ARMH1: variants seen among roughly 807,000 people sequenced by gnomAD.
ARMH1 encodes the protein armadillo like helical domain containing 1.
In ARMH1, 34 loss-of-function variants were observed where a neutral mutation model predicts 50.2. That is an observed-to-expected ratio of 0.68 (90% CI 0.51 to 0.90). The LOEUF is 0.90. Among genes scored for constraint, ARMH1 ranks in the 40% least tolerant of loss-of-function variants. The pLI is 0.00. For missense variants in ARMH1, 538 were observed against 553.9 expected, an observed-to-expected ratio of 0.97 and a Z score of 0.29; for synonymous variants, 221 against 224.2, an observed-to-expected ratio of 0.99 and a Z score of 0.13.
At position 44,697,129 on chromosome 1, in the gene ARMH1, GCTT is replaced by G. The variant is rs1023795165; in HGVS notation, c.237_239del (p.Leu80del). On this transcript the variant is annotated inframe_deletion, in exon 3 of 12. Coordinates refer to ENST00000535358, the MANE Select transcript of ARMH1 (RefSeq NM_001145636.2). ...ATATGACTGACTCATGTTTAGAAAA[GCTT>G]CTCAGGTCCATTGGCATCTTCTTAT... The G allele has an allele frequency of 1.9e-6, 3 of 1,552,174 alleles. No homozygotes were observed. The highest frequency in any genetic ancestry group is 1.7e-4 in the Middle Eastern group (1 of 5,996).
At chr1:44,697,927 G>C (rs754991899) in intron 3 of ARMH1, 136 bp from the exon 4 acceptor site, 65 of 567,122 alleles carry the variant, frequency 1.1e-4, no homozygotes, top group Non-Finnish European at 1.6e-4. Context: ...TTCCACACTC[G>C]TATCACTTTA....
intron 1 of ARMH1, among the ~76,000 whole-genome samples, chr1:44,680,267 C>T (rs1429017067): frequency 1.3e-5 from 2 of 152,238 alleles, no homozygotes; most frequent in Non-Finnish European, 2.9e-5. Context: ...GCCTCAGCCT[C>T]CCAGGTTCAA....
intron 6 of ARMH1, among the ~76,000 whole-genome samples, chr1:44,715,331 T>G (rs556181783): frequency 1.3e-5 from 2 of 152,366 alleles, no homozygotes; most frequent in South Asian, 4.1e-4. Flanking sequence ...AAAGGAATAC[T>G]AAGCCTGCTG....
chr1:44,721,875 T>C lies in ARMH1; in HGVS notation c.725-2247T>C, dbSNP rs111718958. On this transcript the variant is annotated intron_variant, in intron 6 of 11. Transcript: ENST00000535358. ...AATCTTTAGTAAAAGGCGAAAGATT[T>C]ATTCGTTATGAAGAGAAACCAGAGA... The C allele has an allele frequency of 8.9e-4, 135 of 152,354 alleles. 1 individual carries two copies. The highest frequency in any genetic ancestry group is 2.7e-3 in the African/African-American group (111 of 41,594). The allele number at this position is 152,354 out of a possible 1,614,324, so 9.4% of individuals were successfully genotyped here.
Position 44,724,935 on chromosome 1 carries a change from T to TGCAG in ARMH1, c.1128+97_1128+100dup. On this transcript the variant is annotated intron_variant, in intron 10 of 11. Coordinates refer to ENST00000535358, the MANE Select transcript of ARMH1 (RefSeq NM_001145636.2). This position sits in a 1 kb window ranked among gnomAD's most constrained non-coding sequence, Gnocchi z 6.4. ...AGTCCCCATCCTGGAGCGCGCCACATGCAGAGTGGACCTGGCCACCAGCTG... is the reference window on the plus strand; with the variant it reads ...AGTCCCCATCCTGGAGCGCGCCACATGCAGGCAGAGTGGACCTGGCCACCAGCTG... The TGCAG allele has an allele frequency of 6.7e-7, 1 of 1,502,522 alleles. No homozygotes were observed. The highest frequency in any genetic ancestry group is 2.5e-5 in the East Asian group (1 of 40,552). The allele number at this position is 1,502,522 out of a possible 1,614,324, so 93.1% of individuals were successfully genotyped here.
chr1:44,719,478 C>T (rs1489611818), intron 6 of ARMH1, among the ~76,000 whole-genome samples: 3 of 152,208 alleles, frequency 2.0e-5, no homozygotes, highest in African/African-American at 7.2e-5. Context: ...AGTCAGCTCC[C>T]CATCCCTCCG....
intron 6 of ARMH1, among the ~76,000 whole-genome samples, chr1:44,708,129 G>A (rs1002081404): frequency 1.9e-4 from 29 of 152,236 alleles, no homozygotes. Flanking sequence ...GAAGAAATTC[G>A]CACGCCTTCA....
intron 6 of ARMH1, among the ~76,000 whole-genome samples, chr1:44,722,996 A>G (rs1330156399): frequency 2.7e-5 from 4 of 150,316 alleles, no homozygotes; most frequent in African/African-American, 9.8e-5. Flanking sequence ...AATTGCTTGA[A>G]CCCAGGAGGC....
At chr1:44,718,563 C>T (rs1459366212) in intron 6 of ARMH1, among the ~76,000 whole-genome samples, 1 of 152,150 alleles carries the variant, frequency 6.6e-6, no homozygotes, top group African/African-American at 2.4e-5. Flanking sequence ...TGCCCCTTCC[C>T]GGGGCTGGTC....
intron 1 of ARMH1, among the ~76,000 whole-genome samples, chr1:44,679,503 C>T (rs1292486620): frequency 1.3e-5 from 2 of 152,204 alleles, no homozygotes; most frequent in African/African-American, 4.8e-5. Flanking sequence ...AAATTTCTCC[C>T]CTTCTTGAAT....
chr1:44,701,471 G>A (rs2180765), intron 5 of ARMH1, among the ~76,000 whole-genome samples: 55,099 of 151,774 alleles, frequency 0.36, 10,586 homozygotes, highest in East Asian at 0.7. Flanking sequence ...GAAGAGGCCA[G>A]ATCTCCAGTG....
At chr1:44,702,918 A>G (rs1646155604) in intron 5 of ARMH1, among the ~76,000 whole-genome samples, 1 of 152,132 alleles carries the variant, frequency 6.6e-6, no homozygotes, top group African/African-American at 2.4e-5. Context: ...GAGACTGTCT[A>G]TGGCAGGAAA....
intron 1 of ARMH1, chr1:44,684,798 T>G (rs1439750255): frequency 1.3e-5 from 2 of 152,276 alleles, no homozygotes; most frequent in Admixed American, 6.5e-5. Flanking sequence ...TCTGTAGGCC[T>G]CCTTGCACAG....
intron 1 of ARMH1, among the ~76,000 whole-genome samples, chr1:44,686,750 GA>G (rs142199012): frequency 2.4e-4 from 37 of 151,496 alleles, no homozygotes; most frequent in South Asian, 6.3e-4. Context: ...AGGATAGAAA[GA>G]AAAAAAATGG....
At chr1:44,722,074 A>C (rs1647324497) in intron 6 of ARMH1, among the ~76,000 whole-genome samples, 3 of 152,210 alleles carry the variant, frequency 2.0e-5, no homozygotes, top group African/African-American at 7.2e-5. Context: ...ATTATTATTC[A>C]AACAGATAAC....
At chr1:44,704,605 G>A (rs1295282730) in intron 6 of ARMH1, among the ~76,000 whole-genome samples, 2 of 151,432 alleles carry the variant, frequency 1.3e-5, no homozygotes, top group Non-Finnish European at 1.5e-5. Context: ...TCAAACTCCT[G>A]GGCTCAAGAT....
At chr1:44,680,290 C>T (rs1645265805) in intron 1 of ARMH1, among the ~76,000 whole-genome samples, 1 of 152,242 alleles carries the variant, frequency 6.6e-6, no homozygotes, top group African/African-American at 2.4e-5. Flanking sequence ...GATTCTCCCG[C>T]CTCAGCCTCC....
intron 1 of ARMH1, among the ~76,000 whole-genome samples, chr1:44,677,402 G>T (rs79775473): frequency 6.6e-6 from 1 of 152,150 alleles, no homozygotes; most frequent in Non-Finnish European, 1.5e-5. Context: ...ACAATGGAAG[G>T]ACAAAGGACA....
At chr1:44,695,042 C>T (rs1287283017) in intron 2 of ARMH1, among the ~76,000 whole-genome samples, 2 of 152,114 alleles carry the variant, frequency 1.3e-5, no homozygotes, top group Non-Finnish European at 2.9e-5. Context: ...CTCAGTGGAC[C>T]GTGCAGACCA....
Sources: gnomAD v4.1 joint callset for allele counts (sites outside exome capture counted in the v4.1 genomes callset) on GRCh38, gnomAD v4.1.1 for gene constraint, Gnocchi (gnomAD v3.1) non-coding constraint, MANE v1.5 for transcripts, NCBI Gene and HGNC (gene_info 2026-07-23, HGNC 2026-07-21) for gene names.